Variants in CCSER1 observed in about 807,000 individuals in gnomAD.
The protein encoded by CCSER1 is serine-rich coiled-coil domain-containing protein 1.
CCSER1 carries 41 observed loss-of-function variants against 82.0 expected under a neutral mutation model. The observed-to-expected ratio is 0.50, with a 90% confidence interval of 0.39 to 0.65. The LOEUF is 0.65. CCSER1 is among the 30% of genes least tolerant of loss of function. The probability of loss-of-function intolerance (pLI) is 0.00; values close to 1 mark genes in which losing one functional copy is unlikely to be tolerated. For synonymous variants in CCSER1, 414 were observed against 383.9 expected, an observed-to-expected ratio of 1.08 and a Z score of -0.92; for missense variants, 1,119 against 1,064.2, an observed-to-expected ratio of 1.05 and a Z score of -0.72.
intron 10 of CCSER1, among the ~76,000 whole-genome samples, chr4:91,108,696 G>A (rs1725845022): frequency 6.6e-6 from 1 of 152,130 alleles, no homozygotes; most frequent in Non-Finnish European, 1.5e-5. Context: ...AAATAGACAA[G>A]TGTTTCTTTA....
At chr4:91,201,798 A>G (rs564064075) in intron 10 of CCSER1, among the ~76,000 whole-genome samples, 2 of 152,180 alleles carry the variant, frequency 1.3e-5, no homozygotes, top group Non-Finnish European at 2.9e-5. Context: ...TTTCAAAATG[A>G]CATCAGTAGA....
intron 6 of CCSER1, among the ~76,000 whole-genome samples, chr4:90,652,662 G>A (rs1011047299): frequency 1.3e-5 from 2 of 152,144 alleles, no homozygotes. Context: ...TCATACCTCA[G>A]TGGACCTTTT....
chr4:90,532,820 G>T (rs143045884), intron 5 of CCSER1, among the ~76,000 whole-genome samples: 1 of 151,984 alleles, frequency 6.6e-6, no homozygotes, highest in South Asian at 2.1e-4. Context: ...CAAATAGATC[G>T]ACTTGTACTT....
intron 10 of CCSER1, among the ~76,000 whole-genome samples, chr4:91,398,188 A>G (rs963937472): frequency 3.9e-5 from 6 of 151,958 alleles, no homozygotes; most frequent in African/African-American, 1.4e-4. Context: ...TAAACATTCA[A>G]TATAAGCTGG....
At chr4:91,386,713 A>G (rs551280668) in intron 10 of CCSER1, among the ~76,000 whole-genome samples, 3 of 152,158 alleles carry the variant, frequency 2.0e-5, no homozygotes, top group Admixed American at 1.3e-4. Flanking sequence ...AATGAAAGCA[A>G]TGAACTTTGT....
intron 1 of CCSER1, among the ~76,000 whole-genome samples, chr4:90,157,605 T>C (rs1728510036): frequency 6.6e-6 from 1 of 152,192 alleles, no homozygotes; most frequent in Non-Finnish European, 1.5e-5. Flanking sequence ...ATTTCCCTTC[T>C]CGCTTCATTT....
intron 7 of CCSER1, among the ~76,000 whole-genome samples, chr4:90,766,723 A>T (rs962047192): frequency 6.6e-6 from 1 of 152,176 alleles, no homozygotes; most frequent in African/African-American, 2.4e-5. Flanking sequence ...ATTCACACAC[A>T]TAATTTAATA....
intron 4 of CCSER1, among the ~76,000 whole-genome samples, chr4:90,467,886 T>C (rs1406250769): frequency 6.6e-6 from 1 of 152,186 alleles, no homozygotes; most frequent in African/African-American, 2.4e-5. Flanking sequence ...TGTTTATTGA[T>C]CTTGATGCTG....
intron 4 of CCSER1, among the ~76,000 whole-genome samples, chr4:90,453,643 A>G (rs1286621172): frequency 6.6e-6 from 1 of 152,142 alleles, no homozygotes; most frequent in Non-Finnish European, 1.5e-5. Context: ...AGCCATAAAG[A>G]TAGTGGTTCC....
chr4:91,249,315 C>T (rs1298279602), intron 10 of CCSER1, among the ~76,000 whole-genome samples: 2 of 151,782 alleles, frequency 1.3e-5, no homozygotes, highest in African/African-American at 4.8e-5. Flanking sequence ...TTTCTTTTCC[C>T]AATAGTTTAA....
intron 5 of CCSER1, among the ~76,000 whole-genome samples, chr4:90,558,305 C>A (rs1156520855): frequency 1.3e-5 from 2 of 152,076 alleles, no homozygotes; most frequent in African/African-American, 2.4e-5. Flanking sequence ...TTTCAGTGAA[C>A]ACATTATAAA....
At chr4:91,051,395 T>C (rs1354968795) in intron 9 of CCSER1, among the ~76,000 whole-genome samples, 2 of 152,156 alleles carry the variant, frequency 1.3e-5, no homozygotes, top group Non-Finnish European at 2.9e-5. Flanking sequence ...CAATTGCTAT[T>C]GGGGATGCTT....
intron 9 of CCSER1, among the ~76,000 whole-genome samples, chr4:90,988,446 T>C (rs10084903): frequency 0.14 from 21,428 of 151,206 alleles, 1,688 homozygotes; most frequent in Admixed American, 0.2. Context: ...TTTGTTCTTA[T>C]CCTACCAATT....
chr4:91,412,546 G>T (rs571457415), intron 10 of CCSER1, among the ~76,000 whole-genome samples: 1 of 152,028 alleles, frequency 6.6e-6, no homozygotes, highest in Non-Finnish European at 1.5e-5. Context: ...CCTTATGGAA[G>T]TCCAACCCAC....
chr4:90,859,585 A>G (rs1764838957), intron 8 of CCSER1, among the ~76,000 whole-genome samples: 1 of 151,756 alleles, frequency 6.6e-6, no homozygotes, highest in African/African-American at 2.4e-5. Flanking sequence ...CTGAACTTCA[A>G]ATTTCTATTT....
chr4:90,632,674 T>C (rs996767679), intron 6 of CCSER1, among the ~76,000 whole-genome samples: 1 of 152,130 alleles, frequency 6.6e-6, no homozygotes, highest in African/African-American at 2.4e-5. Context: ...ACTTTCTCAG[T>C]GTCTCTTCCA....
At chr4:91,299,904 T>C (rs1744535089) in intron 10 of CCSER1, among the ~76,000 whole-genome samples, 2 of 151,964 alleles carry the variant, frequency 1.3e-5, no homozygotes, top group Admixed American at 1.3e-4. Flanking sequence ...AACGACTTGC[T>C]ACTCTGATAT....
At chr4:90,993,903 G>C (rs953756319) in intron 9 of CCSER1, among the ~76,000 whole-genome samples, 1 of 152,012 alleles carries the variant, frequency 6.6e-6, no homozygotes, top group African/African-American at 2.4e-5. Context: ...TTAATAATTT[G>C]AGTAATTGAT....
chr4:90,940,571 G>A (rs9994918), intron 9 of CCSER1, among the ~76,000 whole-genome samples: 45,885 of 151,854 alleles, frequency 0.3, 7,370 homozygotes, highest in Non-Finnish European at 0.35. Flanking sequence ...AGAAAAATGC[G>A]TGAGAACTGT....
Sources: gnomAD v4.1 joint callset for allele counts (sites outside exome capture counted in the v4.1 genomes callset) on GRCh38, gnomAD v4.1.1 for gene constraint, MANE v1.5 for transcripts, NCBI Gene and HGNC (gene_info 2026-07-23, HGNC 2026-07-21) for gene names.